Variants in CTNNA3 observed in about 807,000 individuals in gnomAD.
CTNNA3 encodes catenin alpha 3.
CTNNA3 carries 76 observed loss-of-function variants against 95.7 expected under a neutral mutation model. The ratio of observed to expected loss-of-function variants is 0.79; its 90% CI spans 0.66 to 0.96. CTNNA3 has a LOEUF of 0.96. Among genes scored for constraint, CTNNA3 ranks in the 40% least tolerant of loss-of-function variants. The pLI is 0.00. For synonymous variants in CTNNA3, 431 were observed against 374.4 expected, an observed-to-expected ratio of 1.15 and a Z score of -1.74; for missense variants, 1,191 against 1,089.8, an observed-to-expected ratio of 1.09 and a Z score of -1.31.
intron 14 of CTNNA3, among the ~76,000 whole-genome samples, chr10:66,083,992 A>C (rs935368733): frequency 3.3e-5 from 5 of 151,724 alleles, no homozygotes; most frequent in Non-Finnish European, 7.4e-5. Context: ...AAAATTAGCC[A>C]GGTGTGGTGG....
At chr10:67,088,662 G>GT (rs961126834) in intron 7 of CTNNA3, among the ~76,000 whole-genome samples, 2 of 151,984 alleles carry the variant, frequency 1.3e-5, no homozygotes, top group African/African-American at 2.4e-5. Flanking sequence ...GAACTCTTAA[G>GT]TTTTTTTCAC....
At chr10:66,353,914 A>C (rs115579696) in intron 12 of CTNNA3, among the ~76,000 whole-genome samples, 14,569 of 151,812 alleles carry the variant, frequency 0.096, 1,232 homozygotes, top group East Asian at 0.25. Context: ...AATTAAAAAC[A>C]CACAAAATCT....
chr10:67,229,347 C>A (rs146437114), intron 5 of CTNNA3, among the ~76,000 whole-genome samples: 1,612 of 152,074 alleles, frequency 0.011, 30 homozygotes, highest in African/African-American at 0.037. Flanking sequence ...TATGATAAAC[C>A]CACAGTCAAC....
At chr10:66,066,294 A>T (rs1448181635) in intron 15 of CTNNA3, among the ~76,000 whole-genome samples, 1 of 152,236 alleles carries the variant, frequency 6.6e-6, no homozygotes, top group Non-Finnish European at 1.5e-5. Flanking sequence ...AAATTATCCA[A>T]AATCCAACTA....
chr10:67,058,072 C>A (rs915454687), intron 7 of CTNNA3, among the ~76,000 whole-genome samples: 1 of 152,176 alleles, frequency 6.6e-6, no homozygotes, highest in African/African-American at 2.4e-5. Context: ...TGTCTTTCAA[C>A]TAATCTTTTC....
chr10:67,220,194 T>C (rs139432341), intron 5 of CTNNA3, among the ~76,000 whole-genome samples: 2 of 152,324 alleles, frequency 1.3e-5, no homozygotes, highest in Admixed American at 1.3e-4. Context: ...ATTAAGTGCA[T>C]TACATGGGAG....
chr10:66,540,747 G>T (rs183556288), intron 10 of CTNNA3, among the ~76,000 whole-genome samples: 1 of 151,964 alleles, frequency 6.6e-6, no homozygotes, highest in African/African-American at 2.4e-5. Context: ...GGAGAGCCAG[G>T]GTTGGGTCTA....
At chr10:66,615,210 A>G (rs1309060609) in intron 10 of CTNNA3, among the ~76,000 whole-genome samples, 2 of 152,058 alleles carry the variant, frequency 1.3e-5, no homozygotes, top group Non-Finnish European at 2.9e-5. Flanking sequence ...CAAGCTAAGT[A>G]TCATAACCAT....
At chr10:65,974,844 CTTTTA>C (rs999795209) in intron 16 of CTNNA3, among the ~76,000 whole-genome samples, 51 of 151,998 alleles carry the variant, frequency 3.4e-4, no homozygotes, top group African/African-American at 1.0e-3. Context: ...ATAATCAATA[CTTTTA>C]TTTTATTCAA....
intron 12 of CTNNA3, among the ~76,000 whole-genome samples, chr10:66,369,192 T>G (rs2092734662): frequency 6.6e-6 from 1 of 152,192 alleles, no homozygotes; most frequent in Non-Finnish European, 1.5e-5. Context: ...TACTTTCTTT[T>G]GTAATTGATG....
At chr10:66,318,005 G>A (rs916960313) in intron 12 of CTNNA3, among the ~76,000 whole-genome samples, 2 of 152,060 alleles carry the variant, frequency 1.3e-5, no homozygotes, top group African/African-American at 4.8e-5. Flanking sequence ...TATGAAAAAG[G>A]TGGAAAGCAT....
intron 9 of CTNNA3, among the ~76,000 whole-genome samples, chr10:66,682,159 A>G (rs1397855590): frequency 6.6e-6 from 1 of 152,078 alleles, no homozygotes; most frequent in African/African-American, 2.4e-5. Flanking sequence ...AGAATTATCT[A>G]TTTTCCCACT....
chr10:67,684,571 T>C (rs948249183), intron 1 of CTNNA3, among the ~76,000 whole-genome samples: 4 of 152,142 alleles, frequency 2.6e-5, no homozygotes, highest in Admixed American at 1.3e-4. Context: ...CGATGACCGC[T>C]CTAGCTACTT....
At chr10:66,966,129 T>G (rs1849397971) in intron 7 of CTNNA3, among the ~76,000 whole-genome samples, 1 of 151,868 alleles carries the variant, frequency 6.6e-6, no homozygotes, top group Non-Finnish European at 1.5e-5. Context: ...TATTTTATAG[T>G]GCCATTTTGA....
intron 7 of CTNNA3, among the ~76,000 whole-genome samples, chr10:66,818,870 A>T (rs1297223833): frequency 6.6e-6 from 1 of 152,108 alleles, no homozygotes; most frequent in Admixed American, 6.6e-5. Flanking sequence ...TAGGCGGATC[A>T]CTTGAGGCCA....
intron 13 of CTNNA3, among the ~76,000 whole-genome samples, chr10:66,155,202 G>A (rs1346046673): frequency 2.0e-5 from 3 of 151,736 alleles, no homozygotes; most frequent in Non-Finnish European, 4.4e-5. Context: ...AACTTAGAGA[G>A]AACTCTTGCA....
intron 6 of CTNNA3, among the ~76,000 whole-genome samples, chr10:67,186,975 G>C (rs78120051): frequency 1.3e-5 from 2 of 152,008 alleles, no homozygotes; most frequent in Non-Finnish European, 2.9e-5. Flanking sequence ...GAATCCTGGC[G>C]CATAGCTATA....
At chr10:67,746,600 G>C (rs1329015307) in intron 1 of CTNNA3, among the ~76,000 whole-genome samples, 1 of 152,142 alleles carries the variant, frequency 6.6e-6, no homozygotes, top group Non-Finnish European at 1.5e-5. Context: ...TGGGACAAAG[G>C]CAGCCCCCAC....
intron 12 of CTNNA3, among the ~76,000 whole-genome samples, chr10:66,344,533 C>A (rs2092486407): frequency 6.6e-6 from 1 of 151,872 alleles, no homozygotes; most frequent in African/African-American, 2.4e-5. Flanking sequence ...AACCAAAGTG[C>A]TGGGATTACA....
Sources: allele counts gnomAD v4.1 joint callset (sites outside exome capture counted in the v4.1 genomes callset), GRCh38; gene constraint gnomAD v4.1.1; transcripts MANE v1.5; gene names NCBI Gene and HGNC (gene_info 2026-07-23, HGNC 2026-07-21).